The following GABBR2 variants were observed in gnomAD, a reference collection of about 807,000 sequenced individuals.
GABBR2 encodes gamma-aminobutyric acid type B receptor subunit 2.
Under a neutral mutation model 105.6 loss-of-function variants are expected in GABBR2, and 23 were observed. The observed-to-expected ratio is 0.22, with a 90% CI of 0.16 to 0.31. The LOEUF (loss-of-function observed/expected upper bound fraction) is 0.31. GABBR2 is among the 10% of genes least tolerant of loss of function. The pLI is 1.00. For missense variants in GABBR2, 734 were observed against 1,245.5 expected (o/e 0.59, Z 6.18); for synonymous variants, 478 against 499.7 (o/e 0.96, Z 0.58).
intron 5 of GABBR2, 25 bp from the exon 6 acceptor site, chr9:98,473,371 G>A: frequency 6.6e-7 from 1 of 1,520,580 alleles, no homozygotes; most frequent in Non-Finnish European, 9.1e-7. Flanking sequence ...GTGACTATGA[G>A]GGCATTGAGA....
chr9:98,602,471 A>AAG (rs1564127674), intron 1 of GABBR2, among the ~76,000 whole-genome samples: 1 of 151,192 alleles, frequency 6.6e-6, no homozygotes, highest in African/African-American at 2.4e-5. Context: ...AAAAAAAAAA[A>AAG]AAATGGTAAA....
chr9:98,704,464 A>G (rs1383111711), intron 1 of GABBR2, among the ~76,000 whole-genome samples: 1 of 152,190 alleles, frequency 6.6e-6, no homozygotes, highest in African/African-American at 2.4e-5. Flanking sequence ...ATGATTAAAT[A>G]CGTATGGTTC....
intron 3 of GABBR2, among the ~76,000 whole-genome samples, chr9:98,529,620 A>G (rs1351973968): frequency 6.6e-6 from 1 of 152,238 alleles, no homozygotes; most frequent in African/African-American, 2.4e-5. Context: ...TACAATTAAA[A>G]AACAATAATT....
At chr9:98,462,394 A>G (rs759861189) in intron 6 of GABBR2, among the ~76,000 whole-genome samples, 2 of 152,216 alleles carry the variant, frequency 1.3e-5, no homozygotes, top group Admixed American at 6.5e-5. Flanking sequence ...TAAATAATAC[A>G]TATAACTGTC....
chr9:98,400,907 T>TA (rs1297762409), intron 8 of GABBR2, among the ~76,000 whole-genome samples: 1 of 144,258 alleles, frequency 6.9e-6, no homozygotes, highest in Non-Finnish European at 1.5e-5. Flanking sequence ...AGGAGGGAAA[T>TA]AAGGGGGATA....
At chr9:98,668,589 G>A (rs994069991) in intron 1 of GABBR2, among the ~76,000 whole-genome samples, 3 of 23,194 alleles carry the variant, frequency 1.3e-4, no homozygotes, top group African/African-American at 8.8e-4. Context: ...TTACATTGTT[G>A]TACAACCACC....
chr9:98,576,294 T>G (rs1029967393), intron 2 of GABBR2, among the ~76,000 whole-genome samples: 2 of 152,242 alleles, frequency 1.3e-5, no homozygotes, highest in Non-Finnish European at 2.9e-5. Context: ...CCCTGTTTTC[T>G]GTTCCACGAA....
chr9:98,632,753 A>C (rs369727887), intron 1 of GABBR2, among the ~76,000 whole-genome samples: 40 of 152,222 alleles, frequency 2.6e-4, no homozygotes, highest in African/African-American at 8.2e-4. Context: ...AGGATAAGCC[A>C]TCCCTGCTGT....
intron 3 of GABBR2, among the ~76,000 whole-genome samples, chr9:98,534,715 G>T (rs974194745): frequency 6.6e-6 from 1 of 152,180 alleles, no homozygotes; most frequent in Non-Finnish European, 1.5e-5. Context: ...ACTCCAGAAC[G>T]CTGACAATAC....
At chr9:98,436,303 A>ATATATATAT (rs1564068032) in intron 7 of GABBR2, among the ~76,000 whole-genome samples, 17 of 92,478 alleles carry the variant, frequency 1.8e-4, no homozygotes, top group East Asian at 5.2e-4. Context: ...ATATATATAT[A>ATATATATAT]CCCATAAATA....
intron 3 of GABBR2, among the ~76,000 whole-genome samples, chr9:98,537,044 G>A (rs1828194994): frequency 6.6e-6 from 1 of 152,160 alleles, no homozygotes; most frequent in Non-Finnish European, 1.5e-5. Context: ...AGCCAATTAC[G>A]CAGGACGTGA....
chr9:98,456,145 A>G (rs958599296), intron 6 of GABBR2, among the ~76,000 whole-genome samples: 4 of 151,816 alleles, frequency 2.6e-5, no homozygotes, highest in African/African-American at 9.7e-5. Context: ...TGAAGCTCAT[A>G]GTCATCCCCG....
intron 1 of GABBR2, among the ~76,000 whole-genome samples, chr9:98,635,365 G>T (rs1232001226): frequency 6.6e-6 from 1 of 152,186 alleles, no homozygotes; most frequent in African/African-American, 2.4e-5. Flanking sequence ...GTGCCAGAGT[G>T]TGGGCTGGCC....
chr9:98,492,195 T>C (rs1286511446), intron 4 of GABBR2, among the ~76,000 whole-genome samples: 2 of 151,868 alleles, frequency 1.3e-5, no homozygotes, highest in Admixed American at 6.6e-5. Flanking sequence ...TCACCAGTTA[T>C]GCTAGAATGC....
intron 1 of GABBR2, chr9:98,608,003 TA>T: frequency 7.8e-7 from 1 of 1,283,652 alleles, no homozygotes. Flanking sequence ...AAGCACAGCA[TA>T]AACAATTAGA....
intron 3 of GABBR2, among the ~76,000 whole-genome samples, chr9:98,518,213 G>A (rs1168425303): frequency 6.6e-6 from 1 of 152,200 alleles, no homozygotes. Flanking sequence ...CCCTGGAGCT[G>A]CAGTAGCCCT....
At chr9:98,404,061 G>A (rs1174289298) in intron 8 of GABBR2, among the ~76,000 whole-genome samples, 7 of 150,596 alleles carry the variant, frequency 4.6e-5, no homozygotes, top group South Asian at 2.1e-4. Flanking sequence ...TAAACCTAAC[G>A]TATGAAAAAA....
chr9:98,343,175 A>G (rs1831244119), intron 13 of GABBR2, among the ~76,000 whole-genome samples: 1 of 152,188 alleles, frequency 6.6e-6, no homozygotes, highest in African/African-American at 2.4e-5. Context: ...CTTTGTCCCA[A>G]ATGGCCCTTA....
At chr9:98,583,833 C>T (rs1480851502) in intron 1 of GABBR2, among the ~76,000 whole-genome samples, 1 of 152,222 alleles carries the variant, frequency 6.6e-6, no homozygotes, top group Non-Finnish European at 1.5e-5. Flanking sequence ...ATTTTCCCTT[C>T]TCAAATGCTG....
Sources: allele counts gnomAD v4.1 joint callset (sites outside exome capture counted in the v4.1 genomes callset), GRCh38; gene constraint gnomAD v4.1.1; transcripts MANE v1.5; gene names NCBI Gene and HGNC (gene_info 2026-07-23, HGNC 2026-07-21).